The following PLXNB1 variants were observed in gnomAD, a reference collection of about 807,000 sequenced individuals.
PLXNB1 encodes the protein plexin-B1.
PLXNB1 carries 106 observed loss-of-function variants against 209.4 expected under a neutral mutation model. The observed-to-expected ratio is 0.51, with a 90% confidence interval of 0.43 to 0.59. PLXNB1 has a LOEUF of 0.59. PLXNB1 is among the 20% of genes least tolerant of loss of function. The pLI is 0.00. For synonymous variants in PLXNB1, 1,167 were observed against 1,183.2 expected (o/e 0.99, Z 0.28); for missense variants, 2,357 against 2,853.2 (o/e 0.83, Z 3.96).
chr3:48,422,603 T>C (rs2038605989), intron 4 of PLXNB1, 144 bp from the exon 5 acceptor site: 9 of 1,257,138 alleles, frequency 7.2e-6, no homozygotes, highest in Non-Finnish European at 8.7e-6. Context: ...CTAGCGGGGA[T>C]GGAGGAAAGT....
At position 48,418,975 on chromosome 3, in the gene PLXNB1, C is replaced by T. The variant is rs748794506; in HGVS notation, c.2897G>A (p.Arg966Gln). Residue 966 changes from arginine to glutamine, a missense_variant, in exon 13 of 38, where the codon CGG (arginine) becomes CAG (glutamine). This residue lies in a region of PLXNB1 where 410 missense variants were observed against 401.0 expected (regional missense o/e 1.02). Coordinates refer to ENST00000296440, the MANE Select transcript of PLXNB1 (RefSeq NM_001130082.3). The surrounding 1 kb of genome is among the most constrained non-coding windows in gnomAD (Gnocchi z 6.6). ...ATCTGGAGGTGGCTCACACTCGACC[C>T]GGGCCTCAACCACCACCTCGAGGCC... ...LEGLEVVVEA[R>Q]VECEPPPDTQ... 2.9e-5 allele frequency: 46 copies of T among 1,613,944 alleles called. No homozygotes were observed. Among genetic ancestry groups the T allele is most frequent in the East Asian group, 2.0e-4 (9 of 44,888 alleles).
chr3:48,425,276 C>A lies in PLXNB1; in HGVS notation c.-7+5G>T. The A allele has an allele frequency of 6.6e-6, 1 of 152,338 alleles. No individual in the cohort carries two copies. Among genetic ancestry groups the A allele is most frequent in the Non-Finnish European group, 1.5e-5 (1 of 68,148 alleles). The allele number at this position is 152,338 out of a possible 1,614,324, so 9.4% of individuals were successfully genotyped here. On this transcript the variant is annotated splice_donor_5th_base_variant and intron_variant, in intron 2 of 37. Transcript: ENST00000296440. ...CCTAGATATCTAGTGTGAGGTCAGGCTCACCTGGCAGGGCCGGCTGGATCA... is the reference window on the plus strand; with the variant it reads ...CCTAGATATCTAGTGTGAGGTCAGGATCACCTGGCAGGGCCGGCTGGATCA...
chr3:48,406,916 C>T lies in PLXNB1; in HGVS notation c.6153-18G>A, dbSNP rs2037347047. 1 of 1,612,728 alleles carries T rather than the reference C, an allele frequency of 6.2e-7. No individual in the cohort carries two copies. Among genetic ancestry groups the T allele is most frequent in the Non-Finnish European group, 8.5e-7 (1 of 1,179,072 alleles). On this transcript the variant is annotated intron_variant, in intron 35 of 37. Transcript: ENST00000296440. The surrounding 1 kb of genome is among the most constrained non-coding windows in gnomAD (Gnocchi z 4.4). ...CATAGTACCTGCCAGAGAGCCAGGG[C>T]ACAGCAGCTGCTGGGTAAACAAGCC...
intron 21 of PLXNB1, 66 bp downstream of exon 21, chr3:48,414,733 C>T: frequency 1.9e-6 from 3 of 1,566,298 alleles, no homozygotes; most frequent in Admixed American, 1.7e-5. Flanking sequence ...CTCCGCCACA[C>T]ACAGCAGTGC....
rs1455163096 is a variant in PLXNB1, at chr3:48,424,490, T to A, written c.122A>T (p.Asp41Val). Reference sequence around the variant, plus strand: ...CAGGTAGAGGGTGCCTGAGGTGGGGTCCCTTGCCAGGTGCTGCAGATACGT... The same window carrying A: ...CAGGTAGAGGGTGCCTGAGGTGGGGACCCTTGCCAGGTGCTGCAGATACGT... The part of the protein sequence containing the change: ...NGTYLQHLAR[D>V]PTSGTLYLGA... The change falls in exon 3 of 38, where the codon GAC becomes GTC. Residue 41 changes from aspartate (D) to valine (V), a missense_variant. Asp to Val is a radical substitution (Grantham distance 152). Transcript: ENST00000296440. 6.2e-7 allele frequency: 1 copy of A among 1,603,236 alleles called. No individual in the cohort carries two copies. Among genetic ancestry groups the A allele is most frequent in the South Asian group, 1.1e-5 (1 of 89,084 alleles).
At chr3:48,422,507 G>C in intron 4 of PLXNB1, 48 bp from the exon 5 acceptor site, 1 of 1,514,194 alleles carries the variant, frequency 6.6e-7, no homozygotes, top group Non-Finnish European at 8.8e-7. Context: ...ATGGCCAGAG[G>C]CCCAAAGCCC....
rs972379068 is a variant in PLXNB1, at chr3:48,409,062, A to G, written c.6087+267T>C. ...AGTCCTGACCAACTGGCCCTGGCCT[A>G]CTGCCACGCCTGGCCAGCATTCTAT... On this transcript the variant is annotated intron_variant, in intron 34 of 37. Transcript: ENST00000296440. The surrounding 1 kb of genome is among the most constrained non-coding windows in gnomAD (Gnocchi z 5.8). Among the ~76,000 whole-genome samples, 3 of 152,170 alleles carry G rather than the reference A, an allele frequency of 2.0e-5. No individual in the cohort carries two copies. Among genetic ancestry groups the G allele is most frequent in the Non-Finnish European group, 2.9e-5 (2 of 68,028 alleles).
In PLXNB1 at chr3:48,409,618, C is replaced by T. The variant is rs1231566945; in HGVS notation, c.5892G>A (p.Gln1964=). ...FFDLLDEQAQ[Q]HGISDQDTIH... is the part of the protein sequence containing the mutation. The stretch of plus-strand genomic sequence containing the variant: ...TGGTGTCCTGGTCGGAGATGCCATG[C>T]TGCTGGGCCTGCTCATCCAGCAGGT... Residue 1964 remains glutamine (Q), a synonymous_variant, in exon 33 of 38, where the codon CAG becomes CAA. Transcript: ENST00000296440. This position sits in a 1 kb window ranked among gnomAD's most constrained non-coding sequence, Gnocchi z 5.8. 6.2e-7 allele frequency: 1 copy of T among 1,614,060 alleles called. No individual in the cohort carries two copies. Among genetic ancestry groups the T allele is most frequent in the Non-Finnish European group, 8.5e-7 (1 of 1,180,010 alleles).
In PLXNB1 at chr3:48,413,649, G is replaced by A. The variant is rs762983404; in HGVS notation, c.4535+21C>T. The A allele has an allele frequency of 5.0e-6, 8 of 1,591,840 alleles. No homozygotes were observed. The African/African-American group carries it at 9.4e-5, about 19-fold the overall frequency. ...AGATCCCACGACCTGCCCCAGCCCA[G>A]CCACATCTGGCTGCACCCACCTGTA... On this transcript the variant is annotated intron_variant, in intron 23 of 37. Transcript: ENST00000296440. This position sits in a 1 kb window ranked among gnomAD's most constrained non-coding sequence, Gnocchi z 5.4.
chr3:48,422,888 C>G lies in PLXNB1; in HGVS notation c.1167G>C (p.Arg389=). Residue 389 remains arginine, a synonymous_variant, in exon 4 of 38, where the codon CGG becomes CGC. Coordinates refer to ENST00000296440, the MANE Select transcript of PLXNB1 (RefSeq NM_001130082.3). ...GAATTGGTGTGGCTTCCAGCGGGAC[C>G]CGGCTGGCCATGGGGCTGGGCGTGT... is the stretch of plus-strand genomic sequence containing the variant. The part of the protein sequence containing the change: ...SDHTPSPMAS[R]VPLEATPILE... 1 of 1,614,144 alleles carries G rather than the reference C, an allele frequency of 6.2e-7. No individual in the cohort carries two copies. Among genetic ancestry groups the G allele is most frequent in the Non-Finnish European group, 8.5e-7 (1 of 1,180,004 alleles).
chr3:48,421,579 T>C lies in PLXNB1; in HGVS notation c.1653+95A>G, dbSNP rs1367764133. On this transcript the variant is annotated intron_variant, in intron 7 of 37. Coordinates refer to ENST00000296440, the MANE Select transcript of PLXNB1 (RefSeq NM_001130082.3). ...AAGTGACTTGTGTGAGGCCATGTGG[T>C]ATCTGGCATGTCCGACATCAGGATC... is the stretch of plus-strand genomic sequence containing the variant. 10 of 1,288,960 alleles carry C rather than the reference T, an allele frequency of 7.8e-6. No homozygotes were observed. In the East Asian group the frequency reaches 1.5e-4, roughly 19 times the overall value. 79.8% of individuals were successfully genotyped at this position (1,288,960 alleles called of 1,614,324 possible).
At position 48,409,885 on chromosome 3, in the gene PLXNB1, C is replaced by T. The variant is rs528018213; in HGVS notation, c.5778+20G>A. ...CTCCCTCTCAGCCCAGGCCCCACTA[C>T]CTTGGCAGCCCCACCCCACCTTCAT... On this transcript the variant is annotated intron_variant, in intron 32 of 37. Coordinates refer to ENST00000296440, the MANE Select transcript of PLXNB1 (RefSeq NM_001130082.3). This position sits in a 1 kb window ranked among gnomAD's most constrained non-coding sequence, Gnocchi z 5.8. 1 of 1,549,860 alleles carries T rather than the reference C, an allele frequency of 6.5e-7. No homozygotes were observed. Among genetic ancestry groups the T allele is most frequent in the East Asian group, 2.4e-5 (1 of 42,398 alleles).
chr3:48,413,569 T>G lies in PLXNB1; in HGVS notation c.4535+101A>C. On this transcript the variant is annotated intron_variant, in intron 23 of 37. Coordinates refer to ENST00000296440, the MANE Select transcript of PLXNB1 (RefSeq NM_001130082.3). This position sits in a 1 kb window ranked among gnomAD's most constrained non-coding sequence, Gnocchi z 5.4. ...AGCGAAAATATTTACTCTCTGGCCA[T>G]TTACAGAGAATGTTTCCTGACTCCT... 8.0e-7 allele frequency: 1 copy of G among 1,254,384 alleles called. No individual in the cohort carries two copies. Among genetic ancestry groups the G allele is most frequent in the African/African-American group, 1.5e-5 (1 of 66,132 alleles). The allele number at this position is 1,254,384 out of a possible 1,614,324, so 77.7% of individuals were successfully genotyped here.
rs764518586 is a variant in PLXNB1 at position 48,422,799 on chromosome 3, G to A, written c.1256C>T (p.Ala419Val). 1.9e-6 allele frequency: 3 copies of A among 1,614,104 alleles called. No homozygotes were observed. The highest frequency in any genetic ancestry group is 1.1e-5 in the South Asian group (1 of 91,090). ...AVTMEDGHTIAFLGDSQGQLH... is the reference protein window; with the variant it reads ...AVTMEDGHTIVFLGDSQGQLH... ...CTGCCCTTGACTATCACCCAGGAAA[G>A]CGATGGTGTGTCCATCTTCCATGGT... is the stretch of plus-strand genomic sequence containing the variant. Residue 419 changes from alanine (A) to valine (V), a missense_variant, in exon 4 of 38, where the codon GCT becomes GTT. By Grantham distance (64) the Ala-to-Val change is moderately conservative. Transcript: ENST00000296440.
In PLXNB1 at chr3:48,405,679, G is replaced by A. The variant is rs564348818; in HGVS notation, c.6303+45C>T. On this transcript the variant is annotated intron_variant, in intron 37 of 37. Transcript: ENST00000296440. This position sits in a 1 kb window ranked among gnomAD's most constrained non-coding sequence, Gnocchi z 5.0. ...GGTCAGAGCCCCTTAAGTCTCCTGG[G>A]AGGCCTTGGGTCAGCCTCCCAGTCG... The A allele has an allele frequency of 2.7e-6, 4 of 1,482,458 alleles. No homozygotes were observed. Among genetic ancestry groups the A allele is most frequent in the Non-Finnish European group, 2.8e-6 (3 of 1,064,466 alleles). 91.8% of individuals were successfully genotyped at this position (1,482,458 alleles called of 1,614,324 possible).
chr3:48,421,452 A>G (rs1467352826), intron 7 of PLXNB1, 68 bp from the exon 8 acceptor site: 2 of 1,473,318 alleles, frequency 1.4e-6, no homozygotes, highest in Admixed American at 2.3e-5. Context: ...CATTTATGGG[A>G]CACCCAATGT....
Position 48,411,742 on chromosome 3 carries a change from A to C in PLXNB1, c.5247+121T>G. The C allele has an allele frequency of 8.4e-7, 1 of 1,196,774 alleles. No individual in the cohort carries two copies. The highest frequency in any genetic ancestry group is 1.4e-5 in the South Asian group (1 of 70,274). The allele number at this position is 1,196,774 out of a possible 1,614,324, so 74.1% of individuals were successfully genotyped here. A position where few individuals can be genotyped will look rare whatever the true frequency, so the allele number is the denominator to read the frequency against. The stretch of plus-strand genomic sequence containing the variant: ...CTCTCCAGGAGCCAGCCAGAGGTCA[A>C]CCCAGCTCTACATCCAGGTACCACA... On this transcript the variant is annotated intron_variant, in intron 28 of 37. Transcript: ENST00000296440. This position sits in a 1 kb window ranked among gnomAD's most constrained non-coding sequence, Gnocchi z 4.0.
rs556527210 is a variant in PLXNB1, at chr3:48,417,862, G to T, written c.3374+49C>A. On this transcript the variant is annotated intron_variant, in intron 16 of 37. Transcript: ENST00000296440. The surrounding 1 kb of genome is among the most constrained non-coding windows in gnomAD (Gnocchi z 4.4). ...GAGGCCCCAAGCAGCAACGCCAACC[G>T]CGGAGGCCCCAGGCTGCGCCGTGCT... The T allele has an allele frequency of 6.4e-7, 1 of 1,562,936 alleles. No individual in the cohort carries two copies. The highest frequency in any genetic ancestry group is 8.7e-7 in the Non-Finnish European group (1 of 1,149,158).
Position 48,417,060 on chromosome 3 carries a change from C to A in PLXNB1, c.3375-609G>T, listed in dbSNP as rs2038147032. 6.6e-6 allele frequency among the ~76,000 whole-genome samples: 1 copy of A among 152,192 alleles called. No homozygotes were observed. Among genetic ancestry groups the A allele is most frequent in the Non-Finnish European group, 1.5e-5 (1 of 68,028 alleles). ...AGGAAGACACAAGTGACGTGTGAGC[C>A]ACCCAGGGGAGGCTCCAGACAGAAT... On this transcript the variant is annotated intron_variant, in intron 16 of 37. Transcript: ENST00000296440. This position sits in a 1 kb window ranked among gnomAD's most constrained non-coding sequence, Gnocchi z 4.4.
Sources: allele counts gnomAD v4.1 joint callset (sites outside exome capture counted in the v4.1 genomes callset), GRCh38; gene constraint gnomAD v4.1.1; regional missense constraint gnomAD v4.1.1; non-coding constraint Gnocchi (gnomAD v3.1); transcripts MANE v1.5; gene names NCBI Gene and HGNC (gene_info 2026-07-23, HGNC 2026-07-21).